SHISA9: variants seen among roughly 807,000 people sequenced by gnomAD.
SHISA9 encodes the protein shisa family member 9, also known as protein shisa-9.
Under a neutral mutation model 38.0 loss-of-function variants are expected in SHISA9, and 13 were observed. The ratio of observed to expected loss-of-function variants is 0.34; its 90% CI spans 0.22 to 0.54. The LOEUF (loss-of-function observed/expected upper bound fraction) is 0.54. Ranked by LOEUF, SHISA9 falls within the 20% of genes least tolerant of loss-of-function variation. SHISA9 has a pLI of 0.91. For synonymous variants in SHISA9, 275 were observed against 242.0 expected, an observed-to-expected ratio of 1.14 and a Z score of -1.27; for missense variants, 538 against 575.8, an observed-to-expected ratio of 0.93 and a Z score of 0.67.
chr16:13,495,693 A>G, the SHISA9 span, among the ~76,000 whole-genome samples: 1 of 151,988 alleles, frequency 6.6e-6, no homozygotes. Context: ...GAAAAAGTAT[A>G]TAATAATATT....
the SHISA9 span, among the ~76,000 whole-genome samples, chr16:13,441,611 T>C: frequency 6.6e-6 from 1 of 152,182 alleles, no homozygotes; most frequent in African/African-American, 2.4e-5. Flanking sequence ...TAAGTGAAAA[T>C]GCTCTATAGA....
chr16:13,286,477 G>A, the SHISA9 span, among the ~76,000 whole-genome samples: 1 of 152,102 alleles, frequency 6.6e-6, no homozygotes, highest in Admixed American at 6.6e-5. Flanking sequence ...TTACAGTCAA[G>A]AGCCCGCATA....
intron 3 of SHISA9, among the ~76,000 whole-genome samples, chr16:13,208,427 CTTTTTCTTTT>C (rs2051086736): frequency 8.0e-6 from 1 of 124,302 alleles, no homozygotes; most frequent in African/African-American, 3.6e-5. Flanking sequence ...CTTTTCCTTT[CTTTTTCTTTT>C]TTTTTCTTTT....
chr16:13,146,490 C>T (rs891724821), intron 2 of SHISA9, among the ~76,000 whole-genome samples: 2 of 152,044 alleles, frequency 1.3e-5, no homozygotes, highest in Non-Finnish European at 2.9e-5. Context: ...TATCCATCAC[C>T]TCAAGCATTC....
At chr16:13,477,120 A>G in the SHISA9 span, among the ~76,000 whole-genome samples, 1 of 152,106 alleles carries the variant, frequency 6.6e-6, no homozygotes, top group East Asian at 1.9e-4. Context: ...CTTATTGCAT[A>G]CCTACAAGGT....
the SHISA9 span, among the ~76,000 whole-genome samples, chr16:13,468,502 A>G: frequency 1.5e-3 from 228 of 152,360 alleles, 1 homozygote; most frequent in African/African-American, 5.3e-3. Flanking sequence ...CTTTTTAAAT[A>G]TAATACTTCC....
In SHISA9 at chr16:13,031,552, C is replaced by T. The variant is rs1457342362; in HGVS notation, c.691+114737C>T. Among the ~76,000 whole-genome samples the T allele has an allele frequency of 3.3e-5, 5 of 152,148 alleles. No individual in the cohort carries two copies. The South Asian group carries it at 1.0e-3, about 32-fold the overall frequency. Reference sequence around the variant, plus strand: ...AGCCAAGGGTAAGGCAATTTATACACATATCACAGGAAACACTGGAGTTCA... The same window carrying T: ...AGCCAAGGGTAAGGCAATTTATACATATATCACAGGAAACACTGGAGTTCA... On this transcript the variant is annotated intron_variant, in intron 2 of 4. Coordinates refer to ENST00000558583, the MANE Select transcript of SHISA9 (RefSeq NM_001145204.3).
the SHISA9 span, among the ~76,000 whole-genome samples, chr16:13,324,966 C>T: frequency 6.6e-6 from 1 of 152,162 alleles, no homozygotes; most frequent in Non-Finnish European, 1.5e-5. Context: ...TAAGCTCTGC[C>T]TGAAGAGTTG....
intron 3 of SHISA9, among the ~76,000 whole-genome samples, chr16:13,212,506 G>A (rs1201528440): frequency 6.6e-6 from 1 of 152,082 alleles, no homozygotes; most frequent in Non-Finnish European, 1.5e-5. Context: ...AATTCAATTC[G>A]GATAAACTGA....
intron 2 of SHISA9, among the ~76,000 whole-genome samples, chr16:13,159,736 C>G (rs1310854336): frequency 6.6e-6 from 1 of 152,258 alleles, no homozygotes; most frequent in African/African-American, 2.4e-5. Flanking sequence ...CAGATATGTT[C>G]ACATCATTTG....
chr16:13,395,843 T>C, the SHISA9 span, among the ~76,000 whole-genome samples: 1 of 152,242 alleles, frequency 6.6e-6, no homozygotes, highest in African/African-American at 2.4e-5. Flanking sequence ...CCATGTGATC[T>C]GTGCAGAGTG....
the SHISA9 span, among the ~76,000 whole-genome samples, chr16:13,449,391 G>T: frequency 6.6e-6 from 1 of 152,140 alleles, no homozygotes; most frequent in Non-Finnish European, 1.5e-5. Context: ...TTAGAAAAGT[G>T]TTACTTTAAA....
chr16:13,338,559 C>T, the SHISA9 span, among the ~76,000 whole-genome samples: 1 of 152,244 alleles, frequency 6.6e-6, no homozygotes, highest in African/African-American at 2.4e-5. Context: ...GGGAGATGGC[C>T]ACAGCATTCA....
chr16:13,226,653 C>T (rs1396741553), intron 4 of SHISA9, among the ~76,000 whole-genome samples: 2 of 152,184 alleles, frequency 1.3e-5, no homozygotes, highest in South Asian at 2.1e-4. Context: ...TCTGGGTCAA[C>T]GGAGAAGTTC....
the SHISA9 span, among the ~76,000 whole-genome samples, chr16:13,296,436 A>G: frequency 2.0e-5 from 3 of 151,866 alleles, no homozygotes; most frequent in East Asian, 1.9e-4. Flanking sequence ...GGGGGAAAAA[A>G]ACAGATCCCT....
intron 2 of SHISA9, among the ~76,000 whole-genome samples, chr16:12,984,742 G>C (rs529368452): frequency 6.6e-6 from 1 of 152,222 alleles, no homozygotes; most frequent in South Asian, 2.1e-4. Flanking sequence ...TGATTCCTTT[G>C]GCATCCTCTG....
At chr16:12,998,614 C>A (rs909628702) in intron 2 of SHISA9, among the ~76,000 whole-genome samples, 1 of 152,180 alleles carries the variant, frequency 6.6e-6, no homozygotes, top group Admixed American at 6.5e-5. Flanking sequence ...ATGGAAATCT[C>A]TACTTTCCTG....
the SHISA9 span, among the ~76,000 whole-genome samples, chr16:13,408,599 T>C: frequency 6.6e-6 from 1 of 152,222 alleles, no homozygotes; most frequent in African/African-American, 2.4e-5. Context: ...GTTAATGCTG[T>C]ATAAATTTTT....
intron 4 of SHISA9, 35 bp downstream of exon 4, chr16:13,213,335 G>C (rs1394597505): frequency 1.3e-6 from 2 of 1,545,934 alleles, no homozygotes; most frequent in African/African-American, 2.7e-5. Context: ...TTTTGTCCAG[G>C]TGTTGTCAAA....
Sources: gnomAD v4.1 joint callset for allele counts (sites outside exome capture counted in the v4.1 genomes callset) on GRCh38, gnomAD v4.1.1 for gene constraint, MANE v1.5 for transcripts, NCBI Gene and HGNC (gene_info 2026-07-23, HGNC 2026-07-21) for gene names.